Variants in ESCO2 observed in about 807,000 individuals in gnomAD.
The protein encoded by ESCO2 is N-acetyltransferase ESCO2.
In ESCO2, 51 loss-of-function variants were observed where a neutral mutation model predicts 61.7. That is an observed-to-expected ratio of 0.83 (90% CI 0.66 to 1.04). The LOEUF is 1.04. Among genes scored for constraint, ESCO2 ranks in the 50% least tolerant of loss-of-function variants. The probability of loss-of-function intolerance (pLI) is 0.00; values close to 1 mark genes in which losing one functional copy is unlikely to be tolerated. For missense variants in ESCO2, 692 were observed against 686.2 expected (o/e 1.01, Z -0.09); for synonymous variants, 230 against 238.2 (o/e 0.97, Z 0.32).
downstream of ESCO2, chr8:27,810,352 G>A (rs765445598): frequency 1.9e-6 from 3 of 1,612,524 alleles, no homozygotes; most frequent in South Asian, 1.1e-5. Flanking sequence ...GCAGAAGGAC[G>A]ATCTTTAGGG....
At chr8:27,810,882 C>A (rs901158449), downstream of ESCO2, 10 of 986,786 alleles carry the variant, frequency 1.0e-5, no homozygotes, top group Non-Finnish European at 1.4e-5. Context: ...TAATACATAT[C>A]TTAGAAAGAT....
chr8:27,780,277 A>G lies in ESCO2; in HGVS notation c.955+10A>G, dbSNP rs1421884058. ...GGTGAGAATAAGACAAGTAAGAGAA[A>G]ACTCGCATGAATTTAGCTGCTTAAA... On this transcript the variant is annotated intron_variant, in intron 4 of 10. Transcript: ENST00000305188. The G allele has an allele frequency of 4.6e-6, 7 of 1,514,588 alleles. No individual in the cohort carries two copies. The highest frequency in any genetic ancestry group is 1.1e-5 in the South Asian group (1 of 88,822). 93.8% of individuals were successfully genotyped at this position (1,514,588 alleles called of 1,614,324 possible). A position where few individuals can be genotyped will look rare whatever the true frequency, so the allele number is the denominator to read the frequency against.
Position 27,792,045 on chromosome 8 carries a change from T to C in ESCO2, c.1346T>C (p.Ile449Thr). 1 of 1,614,086 alleles carries C rather than the reference T, an allele frequency of 6.2e-7. No individual in the cohort carries two copies. The highest frequency in any genetic ancestry group is 8.5e-7 in the Non-Finnish European group (1 of 1,179,972). ...LVLPHDPSFA[I>T]KKVEDVQELV... is the part of the protein sequence containing the mutation. ...CTGCCACATGATCCAAGCTTTGCTA[T>C]CAAAAAGGTATGGAACATTATCTTT... Residue 449 changes from isoleucine to threonine, a missense_variant, in exon 8 of 11, where the codon ATC (isoleucine) becomes ACC (threonine). Transcript: ENST00000305188.
intron 7 of ESCO2, among the ~76,000 whole-genome samples, chr8:27,790,247 G>T (rs1267470060): frequency 6.6e-6 from 1 of 152,122 alleles, no homozygotes; most frequent in Non-Finnish European, 1.5e-5. Context: ...AACATACTGG[G>T]CATGTTATCC....
In ESCO2 at chr8:27,804,068, C is replaced by A; in HGVS notation, c.*630C>A. 1.0e-6 allele frequency: 1 copy of A among 985,418 alleles called. No individual in the cohort carries two copies. Among genetic ancestry groups the A allele is most frequent in the Non-Finnish European group, 1.2e-6 (1 of 830,006 alleles). 61.0% of individuals were successfully genotyped at this position (985,418 alleles called of 1,614,324 possible). On this transcript the variant is annotated 3_prime_UTR_variant, in exon 11 of 11. Coordinates refer to ENST00000305188, the MANE Select transcript of ESCO2 (RefSeq NM_001017420.3). Reference sequence around the variant, plus strand: ...CTATACAGAGTCTTCACTTGATAGGCACTCGTCTGTAGTAACTCAGTTTGA... The same window carrying A: ...CTATACAGAGTCTTCACTTGATAGGAACTCGTCTGTAGTAACTCAGTTTGA...
rs755880162 is a variant in ESCO2, at chr8:27,803,680, C to T, written c.*242C>T. The T allele has an allele frequency of 7.7e-7, 1 of 1,293,380 alleles. No individual in the cohort carries two copies. The highest frequency in any genetic ancestry group is 9.8e-7 in the Non-Finnish European group (1 of 1,021,794). The allele number at this position is 1,293,380 out of a possible 1,614,324, so 80.1% of individuals were successfully genotyped here. On this transcript the variant is annotated 3_prime_UTR_variant, in exon 11 of 11. Coordinates refer to ENST00000305188, the MANE Select transcript of ESCO2 (RefSeq NM_001017420.3). The stretch of plus-strand genomic sequence containing the variant: ...AATCTTTGGGTGATTCCCTGATTAG[C>T]ACTCTGAATGTTTAATTATGAAACT...
Position 27,776,789 on chromosome 8 carries a change from AATTCTAG to A in ESCO2, c.483_489del (p.Asn161LysfsTer8). ...TAGACACATCAAGCCTGTATCAAGG[AATTCTAG>A]AAATTCCAAGCAAAATCGAGTGATC... On this transcript the variant is annotated frameshift_variant, in exon 3 of 11. Transcript: ENST00000305188. LOFTEE classifies it high-confidence loss of function. The A allele has an allele frequency of 6.2e-7, 1 of 1,614,136 alleles. No homozygotes were observed. Among genetic ancestry groups the A allele is most frequent in the Non-Finnish European group, 8.5e-7 (1 of 1,180,038 alleles).
downstream of ESCO2, chr8:27,810,918 A>G (rs1329280949): frequency 2.4e-6 from 3 of 1,235,812 alleles, no homozygotes; most frequent in African/African-American, 4.4e-5. Flanking sequence ...TTAGTGTGAA[A>G]TGAAGAGATT....
intron 10 of ESCO2, among the ~76,000 whole-genome samples, chr8:27,802,632 T>A (rs10088314): frequency 0.26 from 7,700 of 29,918 alleles, 913 homozygotes; most frequent in Non-Finnish European, 0.3. Context: ...AAAAAAAAAA[T>A]ATATATATAT....
At chr8:27,787,790 T>G in intron 5 of ESCO2, 95 bp from the exon 6 acceptor site, 1 of 937,880 alleles carries the variant, frequency 1.1e-6, no homozygotes, top group East Asian at 2.4e-5. Flanking sequence ...TAGAAAGCAC[T>G]AAAAATTGCA....
chr8:27,787,208 C>G (rs1805065306), intron 5 of ESCO2, among the ~76,000 whole-genome samples: 1 of 152,170 alleles, frequency 6.6e-6, no homozygotes, highest in South Asian at 2.1e-4. Context: ...CAAAACATAT[C>G]TGCTAGCTAG....
downstream of ESCO2, chr8:27,808,236 A>G (rs1726263706): frequency 3.2e-6 from 4 of 1,245,630 alleles, no homozygotes; most frequent in African/African-American, 3.1e-5. Context: ...TGAAAGAATC[A>G]TCTTCAACAT....
chr8:27,810,019 G>A (rs1294670433), downstream of ESCO2: 1 of 339,084 alleles, frequency 2.9e-6, no homozygotes, highest in African/African-American at 2.2e-5. Flanking sequence ...TCAATTTAAT[G>A]TTACAGTTTA....
downstream of ESCO2, chr8:27,810,946 T>C (rs1805666455): frequency 1.4e-6 from 2 of 1,470,622 alleles, no homozygotes; most frequent in South Asian, 1.1e-5. Flanking sequence ...ATGTTAGAAA[T>C]TGTATTCATA....
chr8:27,804,000 T>G lies in ESCO2; in HGVS notation c.*562T>G. 1 of 987,312 alleles carries G rather than the reference T, an allele frequency of 1.0e-6. No homozygotes were observed. The highest frequency in any genetic ancestry group is 4.7e-5 in the South Asian group (1 of 21,346). 61.2% of individuals were successfully genotyped at this position (987,312 alleles called of 1,614,324 possible). On this transcript the variant is annotated 3_prime_UTR_variant, in exon 11 of 11. Coordinates refer to ENST00000305188, the MANE Select transcript of ESCO2 (RefSeq NM_001017420.3). Reference sequence around the variant, plus strand: ...AAGCGATCCTCCCAAAACGCTGGGATTACAGTCATGAGCCACCGTGCCCAG... The same window carrying G: ...AAGCGATCCTCCCAAAACGCTGGGAGTACAGTCATGAGCCACCGTGCCCAG...
downstream of ESCO2, among the ~76,000 whole-genome samples, chr8:27,809,204 A>T (rs1805621050): frequency 6.6e-6 from 1 of 152,202 alleles, no homozygotes; most frequent in Admixed American, 6.5e-5. Flanking sequence ...ATGCAAAATT[A>T]TACATACGTT....
intron 4 of ESCO2, among the ~76,000 whole-genome samples, chr8:27,782,676 T>G (rs1804950918): frequency 6.6e-6 from 1 of 150,822 alleles, no homozygotes; most frequent in South Asian, 2.1e-4. Context: ...TTTTCAATTT[T>G]TTCCCTTTGT....
chr8:27,772,677 T>G (rs1056758051), upstream of ESCO2: 3 of 786,026 alleles, frequency 3.8e-6, no homozygotes, highest in Admixed American at 8.8e-5. Flanking sequence ...GGGCGCGTCA[T>G]AACGCCGGCC....
chr8:27,790,935 T>A (rs1295226011), intron 7 of ESCO2, among the ~76,000 whole-genome samples: 2 of 152,350 alleles, frequency 1.3e-5, no homozygotes, highest in South Asian at 2.1e-4. Context: ...TACTGTATAG[T>A]TAGGTAAGTT....
Sources: gnomAD v4.1 joint callset for allele counts (sites outside exome capture counted in the v4.1 genomes callset) on GRCh38, gnomAD v4.1.1 for gene constraint, MANE v1.5 for transcripts, NCBI Gene and HGNC (gene_info 2026-07-23, HGNC 2026-07-21) for gene names.